Variants in WWOX observed in about 807,000 individuals in gnomAD.
WWOX encodes the protein WW domain-containing oxidoreductase.
WWOX carries 69 observed loss-of-function variants against 46.2 expected under a neutral mutation model. The ratio of observed to expected loss-of-function variants is 1.49; its 90% confidence interval spans 1.23 to 1.82. WWOX has a LOEUF of 1.82. Ranked by LOEUF, WWOX falls within the 40% of genes most tolerant of loss-of-function variation. WWOX has a pLI of 0.00. For missense variants in WWOX, 919 were observed against 542.6 expected, an observed-to-expected ratio of 1.69 and a Z score of -6.89; for synonymous variants, 359 against 202.6, an observed-to-expected ratio of 1.77 and a Z score of -6.56.
chr16:78,343,729 C>G (rs2081053225), intron 5 of WWOX, among the ~76,000 whole-genome samples: 1 of 120,998 alleles, frequency 8.3e-6, no homozygotes, highest in South Asian at 2.5e-4. Flanking sequence ...AATGGTCATT[C>G]ATTTGGGAGA....
intron 8 of WWOX, among the ~76,000 whole-genome samples, chr16:78,555,349 T>G (rs1310074073): frequency 6.6e-6 from 1 of 152,166 alleles, no homozygotes; most frequent in African/African-American, 2.4e-5. Flanking sequence ...AACATATCCT[T>G]AATATTGTAC....
intron 8 of WWOX, among the ~76,000 whole-genome samples, chr16:79,003,811 G>T (rs2047140507): frequency 6.6e-6 from 1 of 152,144 alleles, no homozygotes; most frequent in Non-Finnish European, 1.5e-5. Context: ...CACTTCCACT[G>T]CATCTTTGGG....
intron 5 of WWOX, among the ~76,000 whole-genome samples, chr16:78,365,106 C>T (rs2081504171): frequency 6.6e-6 from 1 of 152,194 alleles, no homozygotes; most frequent in African/African-American, 2.4e-5. Flanking sequence ...ATTTCCATTT[C>T]TTCACTTGCA....
At chr16:79,205,471 G>C (rs886621883) in intron 8 of WWOX, 5 of 152,182 alleles carry the variant, frequency 3.3e-5, no homozygotes, top group African/African-American at 9.7e-5. Context: ...TTGTTAGGGA[G>C]GGCATGTTCT....
At chr16:78,715,291 A>C (rs1244997343) in intron 8 of WWOX, among the ~76,000 whole-genome samples, 1 of 152,174 alleles carries the variant, frequency 6.6e-6, no homozygotes, top group East Asian at 1.9e-4. Context: ...AGAGGGAGGC[A>C]ATTGCTGTCA....
chr16:78,248,279 A>G (rs759294792), intron 5 of WWOX, among the ~76,000 whole-genome samples: 3 of 152,162 alleles, frequency 2.0e-5, no homozygotes, highest in Non-Finnish European at 2.9e-5. Context: ...TGCAAACAGG[A>G]GCAAGAGAGG....
intron 8 of WWOX, among the ~76,000 whole-genome samples, chr16:78,465,665 C>T (rs1316296554): frequency 6.6e-6 from 1 of 152,206 alleles, no homozygotes; most frequent in Non-Finnish European, 1.5e-5. Context: ...GTAATTTACT[C>T]CCTTGTAAAT....
At chr16:78,867,837 A>G (rs1020337787) in intron 8 of WWOX, among the ~76,000 whole-genome samples, 1 of 152,202 alleles carries the variant, frequency 6.6e-6, no homozygotes, top group African/African-American at 2.4e-5. Context: ...TTCTAGCCCC[A>G]GACCATGACA....
In WWOX at chr16:78,104,336, C is replaced by G. The variant is rs1044994641; in HGVS notation, c.108-4087C>G. Among the ~76,000 whole-genome samples, 4 of 90,544 alleles carry G rather than the reference C, an allele frequency of 4.4e-5. No individual in the cohort carries two copies. The East Asian group carries it at 1.3e-3, about 29-fold the overall frequency. 59.4% of individuals were successfully genotyped at this position (90,544 alleles called of 152,430 possible). On this transcript the variant is annotated intron_variant, in intron 1 of 8. Transcript: ENST00000566780. ...TTACACTGTGCTCAAAAAACACACG[C>G]ACGCACGCACGCATGCACGCACATA...
At chr16:78,515,943 CTCAG>C (rs1360954030) in intron 8 of WWOX, among the ~76,000 whole-genome samples, 5 of 152,134 alleles carry the variant, frequency 3.3e-5, no homozygotes, top group African/African-American at 1.2e-4. Flanking sequence ...TCATTTGTCT[CTCAG>C]TCAATCAGTC....
rs530097511 is a variant in WWOX at position 78,716,865 on chromosome 16, GT to G, written c.1056+284116del. On this transcript the variant is annotated intron_variant, in intron 8 of 8. Coordinates refer to ENST00000566780, the MANE Select transcript of WWOX (RefSeq NM_016373.4). ...CACAGCTGTGTGCAGCTTCAGCCAGGTTTGCTTTACCTGATCTCACTGGCTT... is the reference window on the plus strand; with the variant it reads ...CACAGCTGTGTGCAGCTTCAGCCAGGTTGCTTTACCTGATCTCACTGGCTT... Among the ~76,000 whole-genome samples the G allele has an allele frequency of 1.2e-4, 19 of 152,230 alleles. No individual in the cohort carries two copies. The South Asian group carries it at 3.9e-3, about 32-fold the overall frequency.
intron 8 of WWOX, among the ~76,000 whole-genome samples, chr16:79,018,306 G>GT (rs1211532441): frequency 6.6e-6 from 1 of 152,214 alleles, no homozygotes; most frequent in African/African-American, 2.4e-5. Context: ...ATATCTGACA[G>GT]TTGTTAATTA....
chr16:78,106,501 C>A (rs1449428862), intron 1 of WWOX, among the ~76,000 whole-genome samples: 1 of 148,910 alleles, frequency 6.7e-6, no homozygotes, highest in Non-Finnish European at 1.5e-5. Flanking sequence ...ACCGCAGCCT[C>A]TGCCTGCCGG....
intron 8 of WWOX, among the ~76,000 whole-genome samples, chr16:78,634,095 G>C (rs932588123): frequency 6.6e-6 from 1 of 152,232 alleles, no homozygotes; most frequent in Non-Finnish European, 1.5e-5. Context: ...GTGCAGGTTG[G>C]AGATGCAGCT....
At chr16:78,874,148 C>T (rs573243331) in intron 8 of WWOX, among the ~76,000 whole-genome samples, 2 of 151,116 alleles carry the variant, frequency 1.3e-5, no homozygotes, top group East Asian at 2.0e-4. Context: ...CCCAGCTACT[C>T]GAGTGGCTGA....
intron 8 of WWOX, among the ~76,000 whole-genome samples, chr16:78,848,486 G>A (rs149774623): frequency 4.6e-5 from 7 of 152,288 alleles, no homozygotes; most frequent in Admixed American, 1.3e-4. Context: ...GCTCAGGAGC[G>A]ACTGGGCATG....
intron 4 of WWOX, among the ~76,000 whole-genome samples, chr16:78,150,893 A>G (rs1037074666): frequency 6.6e-6 from 1 of 151,952 alleles, no homozygotes; most frequent in Non-Finnish European, 1.5e-5. Context: ...TTGTTTTTTT[A>G]GACAGGGTCT....
intron 8 of WWOX, among the ~76,000 whole-genome samples, chr16:78,437,322 G>A (rs891041980): frequency 6.6e-6 from 1 of 152,146 alleles, no homozygotes; most frequent in Admixed American, 6.5e-5. Context: ...CCTCTTTAAG[G>A]AATATTGTTG....
At chr16:78,104,231 AACACACACACACACACACACACAC>A (rs376622174) in intron 1 of WWOX, among the ~76,000 whole-genome samples, 8 of 130,224 alleles carry the variant, frequency 6.1e-5, no homozygotes, top group African/African-American at 2.3e-4. Context: ...CTGTGCTCAA[AACACACACACACACACACACACAC>A]ACACACACAC....
Sources: allele counts gnomAD v4.1 joint callset (sites outside exome capture counted in the v4.1 genomes callset), GRCh38; gene constraint gnomAD v4.1.1; transcripts MANE v1.5; gene names NCBI Gene and HGNC (gene_info 2026-07-23, HGNC 2026-07-21).